Variants in SCGB1D4 observed in about 807,000 individuals in gnomAD.
SCGB1D4 encodes the protein secretoglobin family 1D member 4, also known as IFN-gamma inducible SCGB (IIS).
In SCGB1D4, 6 loss-of-function variants were observed where a neutral mutation model predicts 8.1. That is an observed-to-expected ratio of 0.74 (90% CI 0.40 to 1.45). The LOEUF is 1.45. Ranked by LOEUF, SCGB1D4 falls within the 40% of genes most tolerant of loss-of-function variation. The probability of loss-of-function intolerance (pLI) is 0.02; values close to 1 mark genes in which losing one functional copy is unlikely to be tolerated. For missense variants in SCGB1D4, 93 were observed against 95.0 expected, an observed-to-expected ratio of 0.98 and a Z score of 0.09; for synonymous variants, 34 against 38.1, an observed-to-expected ratio of 0.89 and a Z score of 0.39.
At position 62,298,976 on chromosome 11, in the gene SCGB1D4, A is replaced by G; in HGVS notation, c.35T>C (p.Leu12Pro). 1 of 1,614,040 alleles carries G rather than the reference A, an allele frequency of 6.2e-7. No homozygotes were observed. The highest frequency in any genetic ancestry group is 8.5e-7 in the Non-Finnish European group (1 of 1,179,950). The change falls in exon 1 of 3, where the codon CTG becomes CCG. Residue 12 changes from leucine (L) to proline (P), a missense_variant. Transcript: ENST00000358585. The part of the protein sequence containing the change: ...RLSVCLLMVS[L>P]ALCCYQAHAL... ...CTCACCCTGGTAGCAGCAAAGGGCC[A>G]GCGAGACCATCAGGAGACACACTGA...
rs751271335 is a variant in SCGB1D4 at position 62,298,939 on chromosome 11, A to G, written c.55+17T>C. On this transcript the variant is annotated intron_variant, in intron 1 of 2. Coordinates refer to ENST00000358585, the MANE Select transcript of SCGB1D4 (RefSeq NM_206998.2). Reference sequence around the variant, plus strand: ...CATCCCAGGGGCTGGTGCTGGACTCATGACTGATGTACTCACCCTGGTAGC... The same window carrying G: ...CATCCCAGGGGCTGGTGCTGGACTCGTGACTGATGTACTCACCCTGGTAGC... 13 of 1,613,404 alleles carry G rather than the reference A, an allele frequency of 8.1e-6. No individual in the cohort carries two copies. Among genetic ancestry groups the G allele is most frequent in the Non-Finnish European group, 1.1e-5 (13 of 1,179,526 alleles).
chr11:62,298,940 T>G lies in SCGB1D4; in HGVS notation c.55+16A>C, dbSNP rs375047990. On this transcript the variant is annotated intron_variant, in intron 1 of 2. Coordinates refer to ENST00000358585, the MANE Select transcript of SCGB1D4 (RefSeq NM_206998.2). ...ATCCCAGGGGCTGGTGCTGGACTCA[T>G]GACTGATGTACTCACCCTGGTAGCA... 3.5e-5 allele frequency: 57 copies of G among 1,613,394 alleles called. No individual in the cohort carries two copies. The highest frequency in any genetic ancestry group is 1.7e-5 in the Admixed American group (1 of 59,968).
intron 2 of SCGB1D4, 147 bp from the exon 3 acceptor site, chr11:62,296,566 G>A: frequency 1.3e-6 from 1 of 778,390 alleles, no homozygotes. Context: ...TTGGGAAACT[G>A]AGGCCTAGAC....
intron 2 of SCGB1D4, among the ~76,000 whole-genome samples, 169 bp downstream of exon 2, chr11:62,297,303 C>T (rs1302968904): frequency 1.3e-5 from 2 of 152,202 alleles, no homozygotes; most frequent in Non-Finnish European, 2.9e-5. Context: ...AGCAGGGAGG[C>T]GGCCGTGCTT....
Sources: gnomAD v4.1 joint callset for allele counts (sites outside exome capture counted in the v4.1 genomes callset) on GRCh38, gnomAD v4.1.1 for gene constraint, MANE v1.5 for transcripts, NCBI Gene and HGNC (gene_info 2026-07-23, HGNC 2026-07-21) for gene names.